The following UBE2L6 variants were observed in gnomAD, a reference collection of about 807,000 sequenced individuals.
The protein encoded by UBE2L6 is ubiquitin/ISG15-conjugating enzyme E2 L6.
Under a neutral mutation model 13.6 loss-of-function variants are expected in UBE2L6, and 11 were observed. That is an observed-to-expected ratio of 0.81 (90% CI 0.51 to 1.34). UBE2L6 has a LOEUF of 1.34. Ranked by LOEUF, UBE2L6 falls within the 40% of genes most tolerant of loss-of-function variation. The pLI is 0.00. For synonymous variants in UBE2L6, 74 were observed against 83.2 expected (o/e 0.89, Z 0.60); for missense variants, 197 against 199.5 (o/e 0.99, Z 0.07).
intron 1 of UBE2L6, among the ~76,000 whole-genome samples, chr11:57,560,688 T>C (rs543154263): frequency 1.2e-4 from 18 of 150,030 alleles, no homozygotes; most frequent in Admixed American, 3.3e-4. Context: ...TGGCGCAATC[T>C]CGGCTCCCTG....
intron 2 of UBE2L6, among the ~76,000 whole-genome samples, chr11:57,555,466 C>A (rs2649654): frequency 6.6e-6 from 1 of 151,558 alleles, no homozygotes; most frequent in African/African-American, 2.4e-5. Flanking sequence ...AAAGTGGTCA[C>A]CAGGTGCTGG....
chr11:57,564,499 A>G (rs1365289525), intron 1 of UBE2L6, among the ~76,000 whole-genome samples: 1 of 152,234 alleles, frequency 6.6e-6, no homozygotes, highest in Admixed American at 6.5e-5. Context: ...AAAAATTTTA[A>G]TGAGCAATAA....
At chr11:57,562,685 C>T (rs760210129) in intron 1 of UBE2L6, among the ~76,000 whole-genome samples, 8 of 152,204 alleles carry the variant, frequency 5.3e-5, no homozygotes, top group Non-Finnish European at 8.8e-5. Context: ...AGAGTCTCTA[C>T]CTGGTAATCC....
intron 1 of UBE2L6, 134 bp from the exon 2 acceptor site, chr11:57,560,566 T>G (rs1945033946): frequency 1.5e-6 from 1 of 652,574 alleles, no homozygotes; most frequent in Admixed American, 2.4e-5. Flanking sequence ...AGTCAGAGCC[T>G]ACATTTACTG....
At chr11:57,564,789 G>A (rs1486452693) in intron 1 of UBE2L6, among the ~76,000 whole-genome samples, 2 of 151,482 alleles carry the variant, frequency 1.3e-5, no homozygotes, top group East Asian at 3.9e-4. Context: ...GGCAACAAGA[G>A]CGAAACTCCG....
In UBE2L6 at chr11:57,567,540, A is replaced by G. The variant is rs760623184; in HGVS notation, c.27+45T>C. 3 of 1,598,550 alleles carry G rather than the reference A, an allele frequency of 1.9e-6. No individual in the cohort carries two copies. In the African/African-American group the frequency reaches 4.0e-5, roughly 21 times the overall value. ...GGATGGAGGGAGGAGGGAATGCGGG[A>G]GGCGAGGGGAGCCAAGAGAAAGGGG... On this transcript the variant is annotated intron_variant, in intron 1 of 3. Transcript: ENST00000287156.
At chr11:57,560,488 C>T in intron 1 of UBE2L6, 56 bp from the exon 2 acceptor site, 1 of 1,343,450 alleles carries the variant, frequency 7.4e-7, no homozygotes, top group Admixed American at 1.7e-5. Context: ...TTTCAGCCCC[C>T]TCCCCCTGCC....
rs528789462 is a variant in UBE2L6, at chr11:57,563,903, A to G, written c.28-3471T>C. On this transcript the variant is annotated intron_variant, in intron 1 of 3. Coordinates refer to ENST00000287156, the MANE Select transcript of UBE2L6 (RefSeq NM_004223.5). ...GGCAACAGAGCGAGACTCCGTCTCA[A>G]AAATAAAAAAAAAGAATAAACAAAG... is the stretch of plus-strand genomic sequence containing the variant. Among the ~76,000 whole-genome samples the G allele has an allele frequency of 2.6e-3, 392 of 152,316 alleles. 3 individuals carry two copies. The highest frequency in any genetic ancestry group is 9.0e-3 in the African/African-American group (376 of 41,592).
chr11:57,558,998 G>T (rs142330977), intron 2 of UBE2L6, among the ~76,000 whole-genome samples: 3 of 152,294 alleles, frequency 2.0e-5, no homozygotes, highest in African/African-American at 7.2e-5. Context: ...CAACTATTGA[G>T]GTCCTCTGAT....
chr11:57,564,898 C>A (rs1408244824), intron 1 of UBE2L6, among the ~76,000 whole-genome samples: 1 of 151,846 alleles, frequency 6.6e-6, no homozygotes, highest in Admixed American at 6.6e-5. Context: ...AAAAGATGAC[C>A]AATTAAATAT....
chr11:57,567,906 C>A (rs1945107746), upstream of UBE2L6: 8 of 364,668 alleles, frequency 2.2e-5, no homozygotes, highest in South Asian at 5.6e-4. Context: ...TGATCCCTGC[C>A]TCCCGCGGGG....
chr11:57,558,763 G>A (rs974183087), intron 2 of UBE2L6, among the ~76,000 whole-genome samples: 3 of 152,218 alleles, frequency 2.0e-5, no homozygotes, highest in Admixed American at 6.5e-5. Context: ...GAATTTGTGT[G>A]CTATTCCAAA....
upstream of UBE2L6, chr11:57,567,676 G>GCGCCC (rs577842304): frequency 8.5e-5 from 131 of 1,543,040 alleles, no homozygotes; most frequent in Admixed American, 2.1e-4. Flanking sequence ...GCGACACAGC[G>GCGCCC]CGCCCCGCCC....
In UBE2L6 at chr11:57,567,591, C is replaced by T. The variant is rs756751022; in HGVS notation, c.21G>A (p.Val7=). 1 of 1,608,132 alleles carries T rather than the reference C, an allele frequency of 6.2e-7. No homozygotes were observed. Among genetic ancestry groups the T allele is most frequent in the South Asian group, 1.1e-5 (1 of 89,082 alleles). The part of the protein sequence containing the change: MMASMR[V]VKELEDLQKK... ...TCATCCTATACGCGGTTACCTTCAC[C>T]ACTCGCATGCTCGCCATCATGTCGG... The change falls in exon 1 of 4, where the codon GTG becomes GTA. Residue 7 remains valine, a synonymous_variant. Transcript: ENST00000287156.
At chr11:57,567,899 T>A (rs2234407), upstream of UBE2L6, 2,033 of 370,464 alleles carry the variant, frequency 5.5e-3, 43 homozygotes, top group African/African-American at 0.04. Flanking sequence ...GCTTTGCTGA[T>A]CCCTGCCTCC....
intron 1 of UBE2L6, among the ~76,000 whole-genome samples, chr11:57,563,780 T>C (rs1368090705): frequency 6.7e-6 from 1 of 149,750 alleles, no homozygotes; most frequent in African/African-American, 2.5e-5. Flanking sequence ...TGGGCGCCTG[T>C]AGTCCCAGCT....
intron 1 of UBE2L6, among the ~76,000 whole-genome samples, chr11:57,561,259 G>A (rs190771062): frequency 1.5e-3 from 226 of 152,278 alleles, no homozygotes; most frequent in African/African-American, 5.3e-3. Context: ...TAGCAGAGAA[G>A]AACTCTACAC....
chr11:57,560,541 G>C (rs1327014710), intron 1 of UBE2L6, 109 bp from the exon 2 acceptor site: 2 of 742,082 alleles, frequency 2.7e-6, no homozygotes. Context: ...CCATCTTAGG[G>C]GCAGAAGCCG....
chr11:57,556,522 G>A (rs908064612), intron 2 of UBE2L6, among the ~76,000 whole-genome samples: 9 of 147,054 alleles, frequency 6.1e-5, no homozygotes, highest in African/African-American at 2.3e-4. Context: ...AACCTGGGAG[G>A]CTGACGTTGT....
Sources: gnomAD v4.1 joint callset for allele counts (sites outside exome capture counted in the v4.1 genomes callset) on GRCh38, gnomAD v4.1.1 for gene constraint, MANE v1.5 for transcripts, NCBI Gene and HGNC (gene_info 2026-07-23, HGNC 2026-07-21) for gene names.